The following MAML2 variants were observed in gnomAD, a reference collection of about 807,000 sequenced individuals.
MAML2 encodes mastermind like transcriptional coactivator 2, also known as mastermind-like protein 2.
MAML2 carries 22 observed loss-of-function variants against 96.1 expected under a neutral mutation model. The ratio of observed to expected loss-of-function variants is 0.23; its 90% confidence interval spans 0.16 to 0.33. MAML2 has a LOEUF of 0.33. Ranked by LOEUF, MAML2 falls within the 10% of genes least tolerant of loss-of-function variation. MAML2 has a pLI of 1.00. For synonymous variants in MAML2, 561 were observed against 521.3 expected (o/e 1.08, Z -1.04); for missense variants, 1,367 against 1,392.4 (o/e 0.98, Z 0.29).
intron 2 of MAML2, among the ~76,000 whole-genome samples, chr11:96,022,625 A>T (rs949212114): frequency 1.3e-5 from 2 of 152,192 alleles, no homozygotes; most frequent in Non-Finnish European, 2.9e-5. Flanking sequence ...CTAGGCTAAG[A>T]GGCAAAAAAC....
At chr11:96,022,386 A>C (rs1366160570) in intron 2 of MAML2, among the ~76,000 whole-genome samples, 2 of 152,190 alleles carry the variant, frequency 1.3e-5, no homozygotes, top group African/African-American at 4.8e-5. Context: ...GTGTATCTGC[A>C]TCCAGAGACA....
chr11:96,161,062 T>TC (rs1203574293), intron 1 of MAML2, among the ~76,000 whole-genome samples: 1 of 152,174 alleles, frequency 6.6e-6, no homozygotes, highest in Non-Finnish European at 1.5e-5. Context: ...GAATAAATCT[T>TC]CCATTTTAAT....
At chr11:96,331,100 T>A (rs1863848078) in intron 1 of MAML2, among the ~76,000 whole-genome samples, 1 of 151,818 alleles carries the variant, frequency 6.6e-6, no homozygotes, top group Non-Finnish European at 1.5e-5. Context: ...CAAAACACTG[T>A]CTCAACAAAA....
chr11:96,242,193 C>T (rs1381155979), intron 1 of MAML2, among the ~76,000 whole-genome samples: 1 of 152,156 alleles, frequency 6.6e-6, no homozygotes, highest in African/African-American at 2.4e-5. Flanking sequence ...AATTAAAACC[C>T]TTGATGAATA....
intron 1 of MAML2, among the ~76,000 whole-genome samples, chr11:96,109,596 C>CAGAGAG (rs966788212): frequency 6.6e-6 from 1 of 152,048 alleles, no homozygotes; most frequent in African/African-American, 2.4e-5. Flanking sequence ...GGAAGTGTAA[C>CAGAGAG]AGAGAGAGAG....
At chr11:96,252,395 A>G (rs1441829090) in intron 1 of MAML2, among the ~76,000 whole-genome samples, 2 of 146,082 alleles carry the variant, frequency 1.4e-5, no homozygotes, top group East Asian at 4.0e-4. Flanking sequence ...TGTGCAAGGC[A>G]TTGTTCTCAG....
rs563472529 is a variant in MAML2 at position 96,213,369 on chromosome 11, C to A, written c.514-119852G>T. On this transcript the variant is annotated intron_variant, in intron 1 of 4. Transcript: ENST00000524717. ...AGTAATGGAGAGCCCTAATTCAGGTCTCCTAATTCTACTCTACTTTATGAT... is the reference window on the plus strand; with the variant it reads ...AGTAATGGAGAGCCCTAATTCAGGTATCCTAATTCTACTCTACTTTATGAT... Among the ~76,000 whole-genome samples the A allele has an allele frequency of 2.0e-5, 3 of 152,322 alleles. No homozygotes were observed. In the South Asian group the frequency reaches 6.2e-4, roughly 32 times the overall value.
rs565619053 is a variant in MAML2 at position 96,271,445 on chromosome 11, A to G, written c.513+69938T>C. On this transcript the variant is annotated intron_variant, in intron 1 of 4. Transcript: ENST00000524717. ...TATAGTTTGGCTTGGCCCCACCCAA[A>G]TCTCATCTTGAATTGTAGTTCCCAT... Among the ~76,000 whole-genome samples, 165 of 152,200 alleles carry G rather than the reference A, an allele frequency of 1.1e-3. 8 individuals are homozygous for G. The South Asian group carries it at 0.033, about 30-fold the overall frequency.
intron 1 of MAML2, among the ~76,000 whole-genome samples, chr11:96,151,022 G>C (rs1860911553): frequency 6.6e-6 from 1 of 152,236 alleles, no homozygotes; most frequent in Non-Finnish European, 1.5e-5. Flanking sequence ...ATTAAAGTCT[G>C]AAAAGCATTG....
chr11:96,080,246 G>A (rs12273870), intron 2 of MAML2, among the ~76,000 whole-genome samples: 53,061 of 152,040 alleles, frequency 0.35, 9,685 homozygotes, highest in Middle Eastern at 0.41. Flanking sequence ...ACGGCCTAAA[G>A]TTAATAAATC....
At chr11:96,159,241 C>A (rs371042572) in intron 1 of MAML2, among the ~76,000 whole-genome samples, 3 of 151,928 alleles carry the variant, frequency 2.0e-5, no homozygotes, top group Non-Finnish European at 1.5e-5. Context: ...TAAAGCTTAC[C>A]AAATGGCTTG....
chr11:96,160,023 A>C (rs1365924891), intron 1 of MAML2, among the ~76,000 whole-genome samples: 1 of 152,226 alleles, frequency 6.6e-6, no homozygotes, highest in Non-Finnish European at 1.5e-5. Flanking sequence ...GAATCAGGAA[A>C]GAGTATATGT....
At chr11:96,024,495 T>G (rs1235033734) in intron 2 of MAML2, among the ~76,000 whole-genome samples, 1 of 152,254 alleles carries the variant, frequency 6.6e-6, no homozygotes, top group African/African-American at 2.4e-5. Context: ...TCCACTATAT[T>G]TCACACTTTC....
At chr11:96,331,876 T>C (rs1340199472) in intron 1 of MAML2, among the ~76,000 whole-genome samples, 1 of 152,010 alleles carries the variant, frequency 6.6e-6, no homozygotes, top group Non-Finnish European at 1.5e-5. Context: ...TTGGTCTGTC[T>C]TCTCTCTAAG....
chr11:96,223,024 T>TCCAAAACTTTAC (rs1373692397), intron 1 of MAML2, among the ~76,000 whole-genome samples: 1 of 152,162 alleles, frequency 6.6e-6, no homozygotes, highest in Non-Finnish European at 1.5e-5. Flanking sequence ...TGGATTTTTA[T>TCCAAAACTTTAC]TTTTACTTTA....
At chr11:96,244,742 T>C (rs1478658113) in intron 1 of MAML2, among the ~76,000 whole-genome samples, 1 of 152,142 alleles carries the variant, frequency 6.6e-6, no homozygotes, top group Non-Finnish European at 1.5e-5. Context: ...AGCTGTGACT[T>C]GAACCCAGCA....
intron 2 of MAML2, among the ~76,000 whole-genome samples, chr11:96,033,989 A>G (rs553371182): frequency 6.6e-6 from 1 of 152,238 alleles, no homozygotes; most frequent in African/African-American, 2.4e-5. Context: ...GTTTTAAGGA[A>G]AATCTTTTCT....
chr11:96,022,587 C>G (rs1179051116), intron 2 of MAML2, among the ~76,000 whole-genome samples: 1 of 141,790 alleles, frequency 7.1e-6, no homozygotes, highest in East Asian at 2.0e-4. Context: ...GTCTATCTGT[C>G]CCCCGAATAT....
chr11:96,286,807 T>G (rs1863147276), intron 1 of MAML2, among the ~76,000 whole-genome samples: 1 of 152,198 alleles, frequency 6.6e-6, no homozygotes, highest in African/African-American at 2.4e-5. Flanking sequence ...CTTCCTCATC[T>G]AACCTGTTTC....
Sources: gnomAD v4.1 joint callset for allele counts (sites outside exome capture counted in the v4.1 genomes callset) on GRCh38, gnomAD v4.1.1 for gene constraint, MANE v1.5 for transcripts, NCBI Gene and HGNC (gene_info 2026-07-23, HGNC 2026-07-21) for gene names.